Variants in DNM3 observed in about 807,000 individuals in gnomAD.
DNM3 encodes dynamin 3.
Under a neutral mutation model 101.6 loss-of-function variants are expected in DNM3, and 47 were observed. That is an observed-to-expected ratio of 0.46 (90% confidence interval 0.37 to 0.59). DNM3 has a LOEUF of 0.59. Ranked by LOEUF, DNM3 falls within the 20% of genes least tolerant of loss-of-function variation. The pLI is 0.00. For synonymous variants in DNM3, 385 were observed against 387.9 expected (o/e 0.99, Z 0.09); for missense variants, 849 against 1,085.7 (o/e 0.78, Z 3.06).
intron 15 of DNM3, among the ~76,000 whole-genome samples, chr1:172,297,257 G>A (rs567134711): frequency 6.6e-6 from 1 of 151,666 alleles, no homozygotes; most frequent in South Asian, 2.1e-4. Context: ...ATTTTTAAAG[G>A]TATTGTTAAT....
chr1:172,093,733 C>T, intron 13 of DNM3: 1 of 1,606,780 alleles, frequency 6.2e-7, no homozygotes, highest in Non-Finnish European at 8.5e-7. Flanking sequence ...ATTGTACGAG[C>T]TAAGTTCTGT....
chr1:172,069,644 G>A (rs2051998144), intron 11 of DNM3, among the ~76,000 whole-genome samples: 1 of 152,156 alleles, frequency 6.6e-6, no homozygotes, highest in Admixed American at 6.6e-5. Context: ...AATACAAATG[G>A]TTTTACATAC....
intron 17 of DNM3, among the ~76,000 whole-genome samples, chr1:172,336,606 G>A (rs12137951): frequency 0.072 from 10,687 of 149,192 alleles, 433 homozygotes; most frequent in South Asian, 0.15. Context: ...TCTAGAGCTG[G>A]TTCACATTCC....
intron 1 of DNM3, among the ~76,000 whole-genome samples, chr1:171,886,004 A>G (rs2036733963): frequency 6.6e-6 from 1 of 152,144 alleles, no homozygotes; most frequent in Non-Finnish European, 1.5e-5. Flanking sequence ...CGGACTGTCA[A>G]GATTGGGGGT....
chr1:172,306,281 G>T (rs1426640667), intron 15 of DNM3, among the ~76,000 whole-genome samples: 1 of 151,560 alleles, frequency 6.6e-6, no homozygotes, highest in East Asian at 1.9e-4. Flanking sequence ...ATTCAAAATT[G>T]CTGCAAAGAG....
chr1:172,102,952 G>A (rs1461869715), intron 13 of DNM3, among the ~76,000 whole-genome samples: 3 of 152,086 alleles, frequency 2.0e-5, no homozygotes, highest in Admixed American at 6.5e-5. Flanking sequence ...AGCTTATTTA[G>A]CACAAAGTAT....
intron 14 of DNM3, among the ~76,000 whole-genome samples, chr1:172,224,709 G>A (rs2061038995): frequency 6.6e-6 from 1 of 152,184 alleles, no homozygotes. Flanking sequence ...TCAGACATCA[G>A]CATAGTTTGT....
chr1:172,399,700 G>C (rs1558092492), intron 20 of DNM3: 1 of 151,800 alleles, frequency 6.6e-6, no homozygotes, highest in Non-Finnish European at 1.5e-5. Flanking sequence ...AGCTCCTCCT[G>C]CTGGATTTAA....
chr1:172,134,907 C>T (rs1023832085), intron 14 of DNM3, among the ~76,000 whole-genome samples: 1 of 151,984 alleles, frequency 6.6e-6, no homozygotes, highest in Non-Finnish European at 1.5e-5. Context: ...GAAAGGCACT[C>T]TAAAGATGAG....
chr1:172,380,600 GC>G (rs1407249859), intron 18 of DNM3: 2 of 151,838 alleles, frequency 1.3e-5, no homozygotes, highest in African/African-American at 4.8e-5. Context: ...AAATCATTTC[GC>G]CCCTTTGAGT....
chr1:171,863,954 C>A (rs2421947), intron 1 of DNM3, among the ~76,000 whole-genome samples: 2 of 152,146 alleles, frequency 1.3e-5, no homozygotes, highest in Middle Eastern at 6.8e-3. Flanking sequence ...AAGAATTATC[C>A]AGAGTCTGGG....
At chr1:171,927,067 A>C (rs1476370323) in intron 2 of DNM3, among the ~76,000 whole-genome samples, 1 of 152,156 alleles carries the variant, frequency 6.6e-6, no homozygotes, top group African/African-American at 2.4e-5. Flanking sequence ...GGAAAGAAAG[A>C]AATAAAAGGC....
rs12141865 is a variant in DNM3 at position 171,875,317 on chromosome 1, G to A, written c.161+33500G>A. Among the ~76,000 whole-genome samples, 3 of 152,158 alleles carry A rather than the reference G, an allele frequency of 2.0e-5. No individual in the cohort carries two copies. The East Asian group carries it at 5.8e-4, about 29-fold the overall frequency. The stretch of plus-strand genomic sequence containing the variant: ...TATAAGCCTTCCCTTTCCTCTGCAG[G>A]CTTGCCAGCATCTTATTCAGCCACT... On this transcript the variant is annotated intron_variant, in intron 1 of 20. Coordinates refer to ENST00000627582, the MANE Select transcript of DNM3 (RefSeq NM_015569.5).
At chr1:172,323,228 T>G (rs775064294) in intron 16 of DNM3, 101 bp from the exon 17 acceptor site, 98 of 1,264,030 alleles carry the variant, frequency 7.8e-5, no homozygotes, top group Non-Finnish European at 8.6e-6. Context: ...ATTTTATTTT[T>G]TTTAATATCC....
chr1:172,159,552 G>A (rs1258293562), intron 14 of DNM3, among the ~76,000 whole-genome samples: 1 of 152,092 alleles, frequency 6.6e-6, no homozygotes, highest in East Asian at 1.9e-4. Context: ...ATCTTAAGAA[G>A]TAGATGATGT....
At chr1:172,297,669 T>C (rs1430818234) in intron 15 of DNM3, among the ~76,000 whole-genome samples, 1 of 152,182 alleles carries the variant, frequency 6.6e-6, no homozygotes, top group Admixed American at 6.5e-5. Flanking sequence ...AGCGTTTATA[T>C]CTTTATTGCT....
chr1:172,361,894 G>T (rs910973515), intron 17 of DNM3, among the ~76,000 whole-genome samples: 1 of 151,898 alleles, frequency 6.6e-6, no homozygotes, highest in Non-Finnish European at 1.5e-5. Flanking sequence ...TGCAAAATCT[G>T]GACCATTGCA....
intron 14 of DNM3, among the ~76,000 whole-genome samples, chr1:172,134,594 A>G (rs1454645039): frequency 6.6e-6 from 1 of 152,204 alleles, no homozygotes; most frequent in East Asian, 1.9e-4. Context: ...TGTACCAGGC[A>G]CTGTCCTAAT....
At chr1:172,193,918 G>T (rs1196805195) in intron 14 of DNM3, among the ~76,000 whole-genome samples, 1 of 152,008 alleles carries the variant, frequency 6.6e-6, no homozygotes, top group Non-Finnish European at 1.5e-5. Flanking sequence ...GAATGTGTTT[G>T]CTCTTGCTTC....
Sources: allele counts gnomAD v4.1 joint callset (sites outside exome capture counted in the v4.1 genomes callset), GRCh38; gene constraint gnomAD v4.1.1; transcripts MANE v1.5; gene names NCBI Gene and HGNC (gene_info 2026-07-23, HGNC 2026-07-21).